COP1: variants seen among roughly 807,000 people sequenced by gnomAD.
The protein encoded by COP1 is COP1 E3 ubiquitin ligase.
Under a neutral mutation model 101.3 loss-of-function variants are expected in COP1, and 24 were observed. The ratio of observed to expected loss-of-function variants is 0.24; its 90% CI spans 0.17 to 0.33. The LOEUF is 0.33. COP1 is among the 10% of genes least tolerant of loss of function. COP1 has a pLI of 1.00. For missense variants in COP1, 663 were observed against 906.2 expected, an observed-to-expected ratio of 0.73 and a Z score of 3.45; for synonymous variants, 347 against 341.9, an observed-to-expected ratio of 1.01 and a Z score of -0.17.
chr1:176,084,632 G>GA (rs1225803502), intron 10 of COP1, among the ~76,000 whole-genome samples: 1 of 152,126 alleles, frequency 6.6e-6, no homozygotes, highest in African/African-American at 2.4e-5. Context: ...CATAAAAACT[G>GA]TTTGTTGTTA....
At chr1:176,138,609 A>C (rs1443578447) in intron 6 of COP1, among the ~76,000 whole-genome samples, 1 of 152,140 alleles carries the variant, frequency 6.6e-6, no homozygotes, top group East Asian at 1.9e-4. Context: ...CTAAAGCCCC[A>C]GAGTTTACAG....
chr1:175,977,143 C>T (rs556424406), intron 18 of COP1, among the ~76,000 whole-genome samples: 21 of 152,194 alleles, frequency 1.4e-4, no homozygotes, highest in Admixed American at 1.3e-3. Context: ...AATCTATTCC[C>T]TAAAGCTTTC....
At chr1:175,991,545 C>T (rs1658466675) in intron 15 of COP1, among the ~76,000 whole-genome samples, 2 of 152,018 alleles carry the variant, frequency 1.3e-5, no homozygotes, top group Admixed American at 6.6e-5. Context: ...AAGTGTTCTC[C>T]CTTCAGAAAT....
Position 176,149,031 on chromosome 1 carries a change from T to C in COP1, c.806A>G (p.Lys269Arg). Residue 269 changes from lysine to arginine, a missense_variant, in exon 6 of 20, where the codon AAG (lysine) becomes AGG (arginine). Coordinates refer to ENST00000367669, the MANE Select transcript of COP1 (RefSeq NM_022457.7). ...CTCTCTCTTATTTCTTCTTGCAACC[T>C]TGAGGAATTCCATAAGAATCTGTAG... ...AQLQILMEFL[K>R]VARRNKREQL... The C allele has an allele frequency of 6.3e-7, 1 of 1,586,708 alleles. No homozygotes were observed. The highest frequency in any genetic ancestry group is 8.6e-7 in the Non-Finnish European group (1 of 1,161,514).
chr1:176,047,161 A>G (rs1455101693), intron 11 of COP1, among the ~76,000 whole-genome samples: 1 of 152,190 alleles, frequency 6.6e-6, no homozygotes. Context: ...GAATCATCAC[A>G]TACATTATTC....
At chr1:176,017,121 CTTATTAAATGTT>C (rs1665800569) in intron 15 of COP1, among the ~76,000 whole-genome samples, 1 of 152,070 alleles carries the variant, frequency 6.6e-6, no homozygotes, top group South Asian at 2.1e-4. Flanking sequence ...AAAGGAATAT[CTTATTAAATGTT>C]CAATGAATAT....
intron 15 of COP1, among the ~76,000 whole-genome samples, chr1:176,007,928 C>T (rs978034479): frequency 9.9e-5 from 15 of 151,620 alleles, no homozygotes; most frequent in African/African-American, 2.7e-4. Flanking sequence ...TAATGGCGGG[C>T]GCCCCTCCCC....
At chr1:176,003,878 T>A (rs1377828744) in intron 15 of COP1, among the ~76,000 whole-genome samples, 2 of 152,154 alleles carry the variant, frequency 1.3e-5, no homozygotes, top group African/African-American at 4.8e-5. Context: ...TTTTTTCCAA[T>A]TCTGTGAAGA....
intron 11 of COP1, among the ~76,000 whole-genome samples, chr1:176,069,943 A>C (rs1241703604): frequency 6.6e-6 from 1 of 152,206 alleles, no homozygotes; most frequent in Middle Eastern, 3.2e-3. Context: ...GTAGCTACCA[A>C]GTCTTCAAAT....
At chr1:176,005,319 A>G (rs1321184421) in intron 15 of COP1, among the ~76,000 whole-genome samples, 4 of 151,152 alleles carry the variant, frequency 2.6e-5, no homozygotes, top group Non-Finnish European at 3.0e-5. Context: ...GGATTCCTTA[A>G]TTTTTGTAGG....
chr1:175,998,512 G>C (rs1001140601), intron 15 of COP1, among the ~76,000 whole-genome samples: 10 of 151,378 alleles, frequency 6.6e-5, no homozygotes, highest in African/African-American at 2.4e-4. Context: ...TAGAACCATG[G>C]ATTAACAGGC....
At chr1:176,013,304 C>CG (rs1391961615) in intron 15 of COP1, among the ~76,000 whole-genome samples, 5 of 151,912 alleles carry the variant, frequency 3.3e-5, no homozygotes, top group African/African-American at 1.2e-4. Context: ...AAAGAAAATA[C>CG]GGTTCAGAAA....
intron 18 of COP1, among the ~76,000 whole-genome samples, chr1:175,977,696 T>C (rs1654905305): frequency 6.6e-6 from 1 of 152,130 alleles, no homozygotes; most frequent in Non-Finnish European, 1.5e-5. Flanking sequence ...AGACAATCTG[T>C]ATATTCTTAA....
chr1:176,060,929 T>C (rs945063830), intron 11 of COP1, among the ~76,000 whole-genome samples: 3 of 152,040 alleles, frequency 2.0e-5, no homozygotes, highest in South Asian at 2.1e-4. Flanking sequence ...CTTCAAACCA[T>C]TGCAGCAAGA....
chr1:176,030,964 G>A (rs1668557074), intron 14 of COP1, among the ~76,000 whole-genome samples: 1 of 152,162 alleles, frequency 6.6e-6, no homozygotes, highest in African/African-American at 2.4e-5. Flanking sequence ...AAGGCACAGT[G>A]AGAAGAAGGC....
At chr1:176,106,883 T>G (rs189365118) in intron 9 of COP1, among the ~76,000 whole-genome samples, 11 of 152,288 alleles carry the variant, frequency 7.2e-5, no homozygotes, top group Admixed American at 6.5e-4. Context: ...AGCTCACAAT[T>G]AGAGACTCCA....
intron 5 of COP1, among the ~76,000 whole-genome samples, chr1:176,161,615 A>T (rs934970912): frequency 6.6e-6 from 1 of 152,034 alleles, no homozygotes; most frequent in Admixed American, 6.6e-5. Flanking sequence ...AAAAAAAAAG[A>T]AAGTCTTTTA....
intron 18 of COP1, among the ~76,000 whole-genome samples, chr1:175,980,215 C>A (rs1461620995): frequency 1.6e-5 from 2 of 122,942 alleles, no homozygotes; most frequent in Non-Finnish European, 3.8e-5. Flanking sequence ...TAGCCTGGCT[C>A]TGCTCTTACT....
chr1:176,018,077 T>C (rs1217549569), intron 15 of COP1, among the ~76,000 whole-genome samples: 1 of 152,208 alleles, frequency 6.6e-6, no homozygotes, highest in Non-Finnish European at 1.5e-5. Flanking sequence ...ACTTCCTATT[T>C]TCTATCACAT....
Sources: allele counts gnomAD v4.1 joint callset (sites outside exome capture counted in the v4.1 genomes callset), GRCh38; gene constraint gnomAD v4.1.1; transcripts MANE v1.5; gene names NCBI Gene and HGNC (gene_info 2026-07-23, HGNC 2026-07-21).